Variants in DPP10 observed in about 807,000 individuals in gnomAD.
DPP10 encodes the protein inactive dipeptidyl peptidase 10.
A neutral mutation model predicts 120.9 loss-of-function variants in DPP10; 33 were observed. That is an observed-to-expected ratio of 0.27 (90% CI 0.21 to 0.37). The LOEUF is 0.37. Among genes scored for constraint, DPP10 ranks in the 10% least tolerant of loss-of-function variants. The pLI, the probability that DPP10 is intolerant of heterozygous loss-of-function variation, is 1.00. For missense variants in DPP10, 816 were observed against 942.8 expected (o/e 0.87, Z 1.76); for synonymous variants, 337 against 326.1 (o/e 1.03, Z -0.36).
chr2:114,844,093 G>A (rs980021106), intron 1 of DPP10, among the ~76,000 whole-genome samples: 1 of 152,006 alleles, frequency 6.6e-6, no homozygotes, highest in African/African-American at 2.4e-5. Flanking sequence ...ATCCCTTTTA[G>A]TCTCTTTTTG....
At chr2:114,829,291 A>G (rs146087008) in intron 1 of DPP10, among the ~76,000 whole-genome samples, 55 of 152,116 alleles carry the variant, frequency 3.6e-4, no homozygotes, top group African/African-American at 1.2e-3. Context: ...CTCCATCTCA[A>G]AAATAAATAA....
At chr2:115,690,778 G>T (rs1349382234) in intron 7 of DPP10, among the ~76,000 whole-genome samples, 1 of 152,092 alleles carries the variant, frequency 6.6e-6, no homozygotes, top group African/African-American at 2.4e-5. Context: ...AGGGAATATT[G>T]CTCAGGGAGT....
intron 3 of DPP10, among the ~76,000 whole-genome samples, chr2:115,377,122 G>A (rs1023149175): frequency 6.6e-6 from 1 of 152,116 alleles, no homozygotes; most frequent in African/African-American, 2.4e-5. Context: ...TGGAGGAGTC[G>A]CCACACTGAC....
intron 3 of DPP10, among the ~76,000 whole-genome samples, chr2:115,392,771 GATTA>G (rs2067406943): frequency 6.6e-6 from 1 of 152,066 alleles, no homozygotes; most frequent in South Asian, 2.1e-4. Context: ...GTTTTAGACA[GATTA>G]ATTCTTTATA....
At chr2:115,219,008 A>T (rs2056986928) in intron 1 of DPP10, among the ~76,000 whole-genome samples, 1 of 152,078 alleles carries the variant, frequency 6.6e-6, no homozygotes, top group Non-Finnish European at 1.5e-5. Context: ...TACACCCTAC[A>T]ACTTTTGTTT....
chr2:115,437,499 G>A (rs1289622791), intron 3 of DPP10, among the ~76,000 whole-genome samples: 1 of 151,560 alleles, frequency 6.6e-6, no homozygotes, highest in Non-Finnish European at 1.5e-5. Flanking sequence ...AGTGGTTTAA[G>A]TTAAGTGTGT....
chr2:115,782,434 G>GGGCCGGGCGC, intron 17 of DPP10, 35 bp downstream of exon 17: 1 of 1,579,464 alleles, frequency 6.3e-7, no homozygotes, highest in Non-Finnish European at 8.7e-7. Flanking sequence ...GAATAGTTAT[G>GGGCCGGGCGC]GTTGGCATTA....
intron 1 of DPP10, among the ~76,000 whole-genome samples, chr2:114,977,541 C>T (rs2136542): frequency 0.26 from 38,775 of 151,968 alleles, 5,021 homozygotes; most frequent in East Asian, 0.34. Flanking sequence ...TTCTTCGAAA[C>T]TGAATGTTTT....
At chr2:115,575,207 GCA>G (rs2081577855) in intron 5 of DPP10, among the ~76,000 whole-genome samples, 1 of 152,138 alleles carries the variant, frequency 6.6e-6, no homozygotes, top group Admixed American at 6.5e-5. Flanking sequence ...GTCACCTCAG[GCA>G]TCAAACTGTT....
intron 1 of DPP10, among the ~76,000 whole-genome samples, chr2:114,796,478 A>C (rs1228437393): frequency 6.6e-6 from 1 of 151,820 alleles, no homozygotes; most frequent in African/African-American, 2.4e-5. Flanking sequence ...TATATAATAT[A>C]TATATAACAT....
At chr2:114,653,248 AC>A (rs1293737266) in intron 1 of DPP10, among the ~76,000 whole-genome samples, 1 of 152,130 alleles carries the variant, frequency 6.6e-6, no homozygotes, top group Non-Finnish European at 1.5e-5. Context: ...TCCTTATAAG[AC>A]ACAAAAGAGG....
intron 1 of DPP10, among the ~76,000 whole-genome samples, chr2:114,736,906 TA>T (rs1336455046): frequency 6.6e-6 from 1 of 152,226 alleles, no homozygotes; most frequent in Non-Finnish European, 1.5e-5. Context: ...GTTAGTTTTT[TA>T]ACTGCTAAAT....
intron 1 of DPP10, among the ~76,000 whole-genome samples, chr2:115,088,028 A>G (rs1018397111): frequency 5.3e-5 from 8 of 152,192 alleles, no homozygotes; most frequent in African/African-American, 1.9e-4. Flanking sequence ...AAGGCTCCAG[A>G]AAATTCAGTG....
At chr2:115,032,708 C>T (rs1382329045) in intron 1 of DPP10, among the ~76,000 whole-genome samples, 2 of 151,100 alleles carry the variant, frequency 1.3e-5, no homozygotes, top group Admixed American at 6.6e-5. Flanking sequence ...TGGCGAAACC[C>T]GGTATCTACT....
At chr2:114,520,633 A>G (rs573133415) in intron 1 of DPP10, among the ~76,000 whole-genome samples, 1 of 152,362 alleles carries the variant, frequency 6.6e-6, no homozygotes, top group East Asian at 1.9e-4. Context: ...GTGTCCATCA[A>G]TATGAAGAAA....
chr2:115,530,106 G>A (rs1558804997), intron 5 of DPP10, among the ~76,000 whole-genome samples: 1 of 151,776 alleles, frequency 6.6e-6, no homozygotes, highest in Admixed American at 6.6e-5. Flanking sequence ...CAAAATAACT[G>A]GAGGTGAAAG....
intron 1 of DPP10, among the ~76,000 whole-genome samples, chr2:115,175,314 C>A (rs1405622163): frequency 6.6e-6 from 1 of 152,132 alleles, no homozygotes; most frequent in Non-Finnish European, 1.5e-5. Context: ...TAACTTGTAT[C>A]ATTTCCTGCT....
intron 1 of DPP10, among the ~76,000 whole-genome samples, chr2:115,030,719 T>A (rs948153420): frequency 1.3e-5 from 2 of 152,148 alleles, no homozygotes; most frequent in African/African-American, 4.8e-5. Flanking sequence ...TTCCCACTTA[T>A]AAGTGAGAAC....
At chr2:115,828,136 T>G (rs1243514066) in intron 21 of DPP10, among the ~76,000 whole-genome samples, 1 of 152,114 alleles carries the variant, frequency 6.6e-6, no homozygotes, top group Non-Finnish European at 1.5e-5. Flanking sequence ...TTAAATATTT[T>G]ATTATTTTCT....
Sources: allele counts gnomAD v4.1 joint callset (sites outside exome capture counted in the v4.1 genomes callset), GRCh38; gene constraint gnomAD v4.1.1; transcripts MANE v1.5; gene names NCBI Gene and HGNC (gene_info 2026-07-23, HGNC 2026-07-21).